CASD1: variants seen among roughly 807,000 people sequenced by gnomAD.
CASD1 encodes CAS1 domain sialic acid O acetyltransferase 1.
In CASD1, 41 loss-of-function variants were observed where a neutral mutation model predicts 100.0. The observed-to-expected ratio is 0.41, with a 90% CI of 0.32 to 0.53. The LOEUF is 0.53. Ranked by LOEUF, CASD1 falls within the 20% of genes least tolerant of loss-of-function variation. The pLI, the probability that CASD1 is intolerant of heterozygous loss-of-function variation, is 0.25. For missense variants in CASD1, 774 were observed against 948.7 expected (o/e 0.82, Z 2.42); for synonymous variants, 321 against 315.6 (o/e 1.02, Z -0.18).
chr7:94,513,950 C>T lies in CASD1; in HGVS notation c.134-3610C>T, dbSNP rs144753273. Reference sequence around the variant, plus strand: ...TAACTATATTTTTTCCAAATGTTATCAATTTCTAACATTATGAATCTCAAA... The same window carrying T: ...TAACTATATTTTTTCCAAATGTTATTAATTTCTAACATTATGAATCTCAAA... On this transcript the variant is annotated intron_variant, in intron 1 of 17. Transcript: ENST00000297273. Among the ~76,000 whole-genome samples, 680 of 152,120 alleles carry T rather than the reference C, an allele frequency of 4.5e-3. 2 individuals carry two copies. The highest frequency in any genetic ancestry group is 8.0e-3 in the Non-Finnish European group (545 of 67,998).
chr7:94,594,169 T>C, the CASD1 span, among the ~76,000 whole-genome samples: 1 of 152,132 alleles, frequency 6.6e-6, no homozygotes, highest in Non-Finnish European at 1.5e-5. Context: ...AAATACGTAA[T>C]AGATTTTTGA....
At chr7:94,619,031 C>T in the CASD1 span, 21 of 1,081,170 alleles carry the variant, frequency 1.9e-5, no homozygotes, top group African/African-American at 3.1e-5. Flanking sequence ...GAACAATTTG[C>T]GATTTGTTGA....
At chr7:94,540,303 G>A (rs1312540723) in intron 10 of CASD1, among the ~76,000 whole-genome samples, 4 of 152,098 alleles carry the variant, frequency 2.6e-5, no homozygotes, top group Non-Finnish European at 5.9e-5. Flanking sequence ...TAAACAGTAC[G>A]TGCATCAATG....
intron 15 of CASD1, chr7:94,551,743 T>C (rs922450139): frequency 3.5e-5 from 6 of 169,354 alleles, no homozygotes; most frequent in African/African-American, 1.4e-4. Context: ...TACACATTTA[T>C]TTCAAATGCA....
the CASD1 span, among the ~76,000 whole-genome samples, chr7:94,603,978 C>T: frequency 5.5e-3 from 841 of 152,184 alleles, 5 homozygotes; most frequent in African/African-American, 0.019. Flanking sequence ...TTTTCTACTA[C>T]ACAAACCCCT....
chr7:94,552,407 C>CCGTCTGTT lies in CASD1; in HGVS notation c.2015_2022dup (p.Ser675ArgfsTer9). 6.2e-7 allele frequency: 1 copy of CCGTCTGTT among 1,610,158 alleles called. No individual in the cohort carries two copies. Among genetic ancestry groups the CCGTCTGTT allele is most frequent in the Non-Finnish European group, 8.5e-7 (1 of 1,178,486 alleles). ...CAAAGCAGAGTGCAATGAACTCCATCCGTCTGTTTCTGTGGTACAGGTACT... is the reference window on the plus strand; with the variant it reads ...CAAAGCAGAGTGCAATGAACTCCATCCGTCTGTTCGTCTGTTTCTGTGGTACAGGTACT... On this transcript the variant is annotated frameshift_variant, in exon 16 of 18. Coordinates refer to ENST00000297273, the MANE Select transcript of CASD1 (RefSeq NM_022900.5). LOFTEE classifies it high-confidence loss of function.
At chr7:94,623,933 A>C in the CASD1 span, 3 of 370,224 alleles carry the variant, frequency 8.1e-6, no homozygotes, top group African/African-American at 2.1e-5. Context: ...TAAGGATCAT[A>C]GTCCATGAAG....
chr7:94,587,881 G>A, the CASD1 span: 1 of 1,503,234 alleles, frequency 6.7e-7, no homozygotes, highest in Middle Eastern at 1.7e-4. Flanking sequence ...ATTTCTGAAT[G>A]TGCCTGAAGT....
chr7:94,608,617 C>T, the CASD1 span, among the ~76,000 whole-genome samples: 6 of 152,084 alleles, frequency 3.9e-5, no homozygotes, highest in African/African-American at 1.4e-4. Flanking sequence ...ATAGCCAAAA[C>T]AATATTGAAG....
the CASD1 span, among the ~76,000 whole-genome samples, chr7:94,573,163 C>T: frequency 6.6e-6 from 1 of 152,166 alleles, no homozygotes; most frequent in Admixed American, 6.5e-5. Context: ...TAACACAGTG[C>T]CTCCAGCACT....
intron 13 of CASD1, among the ~76,000 whole-genome samples, chr7:94,547,813 G>T (rs1384678764): frequency 6.6e-6 from 1 of 151,770 alleles, no homozygotes; most frequent in Non-Finnish European, 1.5e-5. Context: ...TAATTCAAAT[G>T]CCTGTAGTTG....
the CASD1 span, chr7:94,599,513 C>T: frequency 2.4e-5 from 14 of 584,394 alleles, no homozygotes; most frequent in South Asian, 4.7e-5. Context: ...GTTTTCAAAC[C>T]CTTTTTAGTT....
chr7:94,537,431 C>G, intron 8 of CASD1, 41 bp from the exon 9 acceptor site: 1 of 1,529,922 alleles, frequency 6.5e-7, no homozygotes, highest in South Asian at 1.3e-5. Flanking sequence ...TGAAATACAT[C>G]ACTGACAAGA....
At chr7:94,526,212 T>C (rs1794557000) in intron 3 of CASD1, among the ~76,000 whole-genome samples, 1 of 152,240 alleles carries the variant, frequency 6.6e-6, no homozygotes, top group Non-Finnish European at 1.5e-5. Context: ...TGCTTAGCGT[T>C]GCATGTCCTA....
At chr7:94,614,107 C>CAAA in the CASD1 span, among the ~76,000 whole-genome samples, 273 of 94,790 alleles carry the variant, frequency 2.9e-3, 1 homozygote, top group East Asian at 4.9e-3. Flanking sequence ...AAATTGAAAT[C>CAAA]AAAAAAAAAA....
At chr7:94,543,419 C>T (rs770168690) in intron 10 of CASD1, among the ~76,000 whole-genome samples, 3 of 152,038 alleles carry the variant, frequency 2.0e-5, no homozygotes, top group African/African-American at 4.8e-5. Context: ...TTTGGGAGGC[C>T]GAGGCGGGTA....
chr7:94,574,790 G>T, the CASD1 span, among the ~76,000 whole-genome samples: 1 of 151,964 alleles, frequency 6.6e-6, no homozygotes, highest in Admixed American at 6.6e-5. Flanking sequence ...CTAACACGGT[G>T]AAACCCCGCC....
intron 6 of CASD1, 127 bp downstream of exon 6, chr7:94,533,376 TTAGATTGATGAATTTTAATACAAA>T: frequency 3.0e-6 from 2 of 672,420 alleles, no homozygotes; most frequent in Non-Finnish European, 4.8e-6. Context: ...TCTATTATGA[TTAGATTGATGAATTTTAATACAAA>T]TACTGGAATT....
the CASD1 span, chr7:94,616,744 C>T: frequency 7.9e-5 from 12 of 151,868 alleles, no homozygotes; most frequent in East Asian, 3.9e-4. Flanking sequence ...TCATTTGCAG[C>T]GACAAACTTT....
Sources: gnomAD v4.1 joint callset for allele counts (sites outside exome capture counted in the v4.1 genomes callset) on GRCh38, gnomAD v4.1.1 for gene constraint, MANE v1.5 for transcripts, NCBI Gene and HGNC (gene_info 2026-07-23, HGNC 2026-07-21) for gene names.